The following SEC24A variants were observed in gnomAD, a reference collection of about 807,000 sequenced individuals.
SEC24A encodes protein transport protein Sec24A.
A neutral mutation model predicts 129.4 loss-of-function variants in SEC24A; 93 were observed. The observed-to-expected ratio is 0.72, with a 90% confidence interval of 0.61 to 0.85. The LOEUF (loss-of-function observed/expected upper bound fraction) is 0.85. SEC24A is among the 40% of genes least tolerant of loss of function. The pLI is 0.00. For missense variants in SEC24A, 1,264 were observed against 1,307.4 expected (o/e 0.97, Z 0.51); for synonymous variants, 460 against 467.3 (o/e 0.98, Z 0.20).
chr5:134,662,555 T>C (rs1350759305), intron 2 of SEC24A, among the ~76,000 whole-genome samples: 1 of 152,158 alleles, frequency 6.6e-6, no homozygotes, highest in Non-Finnish European at 1.5e-5. Flanking sequence ...AATAGTAATA[T>C]CAATAGTTAC....
At chr5:134,703,274 G>T (rs1471521122) in intron 15 of SEC24A, among the ~76,000 whole-genome samples, 1 of 151,608 alleles carries the variant, frequency 6.6e-6, no homozygotes, top group African/African-American at 2.4e-5. Context: ...AATGTTTTTT[G>T]TGTTTCTTTT....
chr5:134,706,167 G>T (rs1308777679), intron 17 of SEC24A, among the ~76,000 whole-genome samples: 1 of 152,082 alleles, frequency 6.6e-6, no homozygotes, highest in African/African-American at 2.4e-5. Flanking sequence ...GATTACAGGC[G>T]TGAGCCACCG....
chr5:134,709,636 T>A (rs994887166), intron 18 of SEC24A, among the ~76,000 whole-genome samples: 1 of 152,116 alleles, frequency 6.6e-6, no homozygotes, highest in Admixed American at 6.6e-5. Flanking sequence ...TGGGGAGATA[T>A]TGAACAAAAG....
chr5:134,655,037 C>T (rs1750192777), intron 1 of SEC24A, among the ~76,000 whole-genome samples: 1 of 151,928 alleles, frequency 6.6e-6, no homozygotes, highest in Non-Finnish European at 1.5e-5. Context: ...AAGAAACGTA[C>T]AGCTTTTTGG....
chr5:134,703,642 T>G lies in SEC24A; in HGVS notation c.2267-117T>G, dbSNP rs201426577. The G allele has an allele frequency of 1.0e-5, 7 of 677,884 alleles. No individual in the cohort carries two copies. The East Asian group carries it at 1.9e-4, about 19-fold the overall frequency. The allele number at this position is 677,884 out of a possible 1,614,324, so 42.0% of individuals were successfully genotyped here. A position where few individuals can be genotyped will look rare whatever the true frequency, so the allele number is the denominator to read the frequency against. On this transcript the variant is annotated intron_variant, in intron 15 of 22. Transcript: ENST00000398844. ...TCTGTTATTCCTTAACCTCACTAAG[T>G]ACTGTGTATTATCTAGATTTCTTTA...
intron 18 of SEC24A, among the ~76,000 whole-genome samples, chr5:134,711,110 T>C (rs1000654173): frequency 9.2e-5 from 14 of 152,096 alleles, no homozygotes; most frequent in African/African-American, 3.4e-4. Flanking sequence ...CCCTCCAGCC[T>C]GGGTGACAAA....
chr5:134,724,760 A>G (rs1290505772), intron 22 of SEC24A, among the ~76,000 whole-genome samples: 1 of 152,218 alleles, frequency 6.6e-6, no homozygotes, highest in Non-Finnish European at 1.5e-5. Flanking sequence ...ATATTCAGAA[A>G]TGGAATTTCT....
At position 134,715,007 on chromosome 5, in the gene SEC24A, G is replaced by T. The variant is rs747464217; in HGVS notation, c.2728-17G>T. 2 of 1,607,802 alleles carry T rather than the reference G, an allele frequency of 1.2e-6. No homozygotes were observed. Among genetic ancestry groups the T allele is most frequent in the Non-Finnish European group, 1.7e-6 (2 of 1,176,696 alleles). On this transcript the variant is annotated splice_polypyrimidine_tract_variant and intron_variant, in intron 18 of 22. Coordinates refer to ENST00000398844, the MANE Select transcript of SEC24A (RefSeq NM_021982.3). ...AAAATATATTCTTTTGTGGGGAATG[G>T]GGGTTTTCTGTTACAGAAATCATTC...
intron 15 of SEC24A, among the ~76,000 whole-genome samples, chr5:134,698,610 AAAG>A (rs1271425036): frequency 3.8e-4 from 57 of 151,062 alleles, no homozygotes; most frequent in South Asian, 4.2e-4. Context: ...AAAAAAAAAA[AAAG>A]AAGAAGATAG....
At chr5:134,708,683 C>G (rs374118028) in intron 17 of SEC24A, 30 bp from the exon 18 acceptor site, 2 of 1,582,842 alleles carry the variant, frequency 1.3e-6, no homozygotes, top group African/African-American at 2.7e-5. Flanking sequence ...TATCATATTT[C>G]TTTTTTGTCC....
intron 13 of SEC24A, among the ~76,000 whole-genome samples, chr5:134,694,837 AAAAG>A (rs898743347): frequency 6.6e-6 from 1 of 151,006 alleles, no homozygotes; most frequent in Non-Finnish European, 1.5e-5. Context: ...AAAAAAAAAG[AAAAG>A]AAAAAGAGTA....
At chr5:134,673,729 G>A (rs1331877135) in intron 4 of SEC24A, among the ~76,000 whole-genome samples, 1 of 152,092 alleles carries the variant, frequency 6.6e-6, no homozygotes, top group East Asian at 1.9e-4. Context: ...CAAAGTGCTG[G>A]GATTACAGGC....
intron 18 of SEC24A, among the ~76,000 whole-genome samples, chr5:134,711,892 C>G (rs10463921): frequency 8.6e-5 from 13 of 151,858 alleles, no homozygotes; most frequent in Admixed American, 5.3e-4. Context: ...GGACTACAGG[C>G]GCCCACTACC....
intron 15 of SEC24A, among the ~76,000 whole-genome samples, chr5:134,699,301 C>CGTTTTTTTTTTTTTTTTTTTTTTTTTTT (rs1429369613): frequency 2.1e-4 from 29 of 138,414 alleles, no homozygotes; most frequent in African/African-American, 7.4e-4. Flanking sequence ...CCATTTTATC[C>CGTTTTTTTTTTTTTTTTTTTTTTTTTTT]TTTTTTTTTT....
At chr5:134,652,956 G>A (rs1444677839) in intron 1 of SEC24A, among the ~76,000 whole-genome samples, 8 of 151,488 alleles carry the variant, frequency 5.3e-5, no homozygotes, top group Non-Finnish European at 8.8e-5. Flanking sequence ...CACCACACCC[G>A]GCTAATTTTT....
At chr5:134,707,531 A>G (rs1264841568) in intron 17 of SEC24A, among the ~76,000 whole-genome samples, 1 of 151,800 alleles carries the variant, frequency 6.6e-6, no homozygotes, top group African/African-American at 2.4e-5. Context: ...GGGTTTCACC[A>G]TGTTAGCCAG....
In SEC24A at chr5:134,686,805, C is replaced by A; in HGVS notation, c.1507C>A (p.Pro503Thr). ...PSEYMLRPPQ[P>T]PVYLFVFDVS... ...TTTTCTTCAGTTACGACCACCTCAG[C>A]CTCCAGTGTATCTCTTTGTATTTGA... The change falls in exon 10 of 23, where the codon CCT becomes ACT. Residue 503 changes from proline (P) to threonine (T), a missense_variant. Pro to Thr is a conservative substitution (Grantham distance 38, BLOSUM62 -1). Transcript: ENST00000398844. 6.3e-7 allele frequency: 1 copy of A among 1,598,360 alleles called. No homozygotes were observed.
upstream of SEC24A, chr5:134,648,532 C>G (rs1749933230): frequency 6.6e-6 from 1 of 152,662 alleles, no homozygotes; most frequent in South Asian, 1.9e-4. Context: ...GCTCTGCGAG[C>G]GAGGTCACGT....
rs1010603379 is a variant in SEC24A, at chr5:134,719,104, G to A, written c.2970+931G>A. On this transcript the variant is annotated intron_variant, in intron 20 of 22. Coordinates refer to ENST00000398844, the MANE Select transcript of SEC24A (RefSeq NM_021982.3). ...GTCAAAAAATTAAAATAATTTGTCC[G>A]GGCATGGTGGCTTATGCCTGTAATT... 2.5e-4 allele frequency among the ~76,000 whole-genome samples: 38 copies of A among 152,190 alleles called. 1 individual carries two copies. The highest frequency in any genetic ancestry group is 2.1e-3 in the South Asian group (10 of 4,824).
Sources: gnomAD v4.1 joint callset for allele counts (sites outside exome capture counted in the v4.1 genomes callset) on GRCh38, gnomAD v4.1.1 for gene constraint, MANE v1.5 for transcripts, NCBI Gene and HGNC (gene_info 2026-07-23, HGNC 2026-07-21) for gene names.